The following DERA variants were observed in gnomAD, a reference collection of about 807,000 sequenced individuals.
DERA encodes the protein deoxyribose-phosphate aldolase.
DERA carries 15 observed loss-of-function variants against 41.1 expected under a neutral mutation model. That is an observed-to-expected ratio of 0.37 (90% confidence interval 0.24 to 0.56). The LOEUF is 0.56. DERA is among the 20% of genes least tolerant of loss of function. DERA has a pLI of 0.81. For synonymous variants in DERA, 139 were observed against 137.4 expected (o/e 1.01, Z -0.08); for missense variants, 396 against 403.4 (o/e 0.98, Z 0.16).
At position 15,911,886 on chromosome 12, in the gene DERA, G is replaced by T; in HGVS notation, c.31+472G>T. On this transcript the variant is annotated intron_variant, in intron 1 of 8. Coordinates refer to ENST00000428559, the MANE Select transcript of DERA (RefSeq NM_015954.4). The surrounding 1 kb of genome is among the most constrained non-coding windows in gnomAD (Gnocchi z 4.5). ...CTCGTGGAAAAGTTGTCAGCCGTCT[G>T]TGCTCAAAATGTAACACTGCAGATT... is the stretch of plus-strand genomic sequence containing the variant. 2 of 419,016 alleles carry T rather than the reference G, an allele frequency of 4.8e-6. No individual in the cohort carries two copies. The highest frequency in any genetic ancestry group is 2.8e-5 in the Admixed American group (1 of 36,198). The allele number at this position is 419,016 out of a possible 1,614,324, so 26.0% of individuals were successfully genotyped here.
Position 16,001,498 on chromosome 12 carries a change from CAA to C in DERA, c.637+19064_637+19065del, listed in dbSNP as rs1375519208. Among the ~76,000 whole-genome samples, 8 of 152,198 alleles carry C rather than the reference CAA, an allele frequency of 5.3e-5. 1 individual carries two copies. The Middle Eastern group carries it at 0.014, about 259-fold the overall frequency. ...CCAGAAAGAGATTCGTGCTCAGTAACAAAGAGAGAGTAATACAGACTTGTGGA... is the reference window on the plus strand; with the variant it reads ...CCAGAAAGAGATTCGTGCTCAGTAACAGAGAGAGTAATACAGACTTGTGGA... On this transcript the variant is annotated intron_variant, in intron 6 of 8. Coordinates refer to ENST00000428559, the MANE Select transcript of DERA (RefSeq NM_015954.4). The surrounding 1 kb of genome is among the most constrained non-coding windows in gnomAD (Gnocchi z 4.1).
Position 16,026,007 on chromosome 12 carries a change from T to A in DERA, c.638-6535T>A, listed in dbSNP as rs914845699. On this transcript the variant is annotated intron_variant, in intron 6 of 8. Coordinates refer to ENST00000428559, the MANE Select transcript of DERA (RefSeq NM_015954.4). This position sits in a 1 kb window ranked among gnomAD's most constrained non-coding sequence, Gnocchi z 4.4. ...TAAAATACTTTGAACTAAATGAAAA[T>A]AAAAATACACCACCAAAATTTGTAG... 6.6e-6 allele frequency among the ~76,000 whole-genome samples: 1 copy of A among 151,894 alleles called. No individual in the cohort carries two copies. The highest frequency in any genetic ancestry group is 2.4e-5 in the African/African-American group (1 of 41,378).
intron 6 of DERA, among the ~76,000 whole-genome samples, chr12:15,986,699 C>T (rs1232759311): frequency 1.3e-5 from 2 of 149,680 alleles, no homozygotes; most frequent in Non-Finnish European, 2.9e-5. Context: ...TTAACAGTCA[C>T]TTGTCTTTTG....
intron 1 of DERA, among the ~76,000 whole-genome samples, chr12:15,920,210 A>G (rs1203542099): frequency 1.3e-5 from 2 of 152,208 alleles, no homozygotes; most frequent in Admixed American, 6.5e-5. Flanking sequence ...AATAGTGTCC[A>G]CACTTATAAG....
intron 7 of DERA, among the ~76,000 whole-genome samples, chr12:16,033,204 T>C (rs571120997): frequency 8.0e-4 from 122 of 152,378 alleles, no homozygotes; most frequent in Non-Finnish European, 1.3e-3. Flanking sequence ...GAAAAACTTA[T>C]TACTTTTAAT....
intron 1 of DERA, among the ~76,000 whole-genome samples, chr12:15,920,290 C>A (rs1948233209): frequency 6.6e-6 from 1 of 152,160 alleles, no homozygotes; most frequent in Non-Finnish European, 1.5e-5. Flanking sequence ...TGTTATCAGT[C>A]CAACCCCCTT....
At chr12:15,955,136 T>C (rs1454960888) in intron 1 of DERA, among the ~76,000 whole-genome samples, 1 of 151,802 alleles carries the variant, frequency 6.6e-6, no homozygotes, top group African/African-American at 2.4e-5. Flanking sequence ...CCTGTCTCTA[T>C]TAAAAATACA....
At chr12:15,937,524 T>C (rs1237596451) in intron 1 of DERA, among the ~76,000 whole-genome samples, 1 of 152,232 alleles carries the variant, frequency 6.6e-6, no homozygotes, top group Non-Finnish European at 1.5e-5. Flanking sequence ...ACCATGTGAA[T>C]GTCTCATTTT....
chr12:15,964,757 A>T (rs925881066), intron 5 of DERA, among the ~76,000 whole-genome samples: 28 of 152,232 alleles, frequency 1.8e-4, no homozygotes, highest in Non-Finnish European at 5.9e-5. Context: ...TACACCTTTT[A>T]TTAAGCAGTT....
chr12:15,948,439 T>G (rs1336534044), intron 1 of DERA, among the ~76,000 whole-genome samples: 4 of 152,190 alleles, frequency 2.6e-5, no homozygotes, highest in Non-Finnish European at 5.9e-5. Flanking sequence ...TCACTTCATT[T>G]CATACATTTG....
In DERA at chr12:16,011,319, C is replaced by G. The variant is rs1394788411; in HGVS notation, c.638-21223C>G. Among the ~76,000 whole-genome samples the G allele has an allele frequency of 6.6e-6, 1 of 152,146 alleles. No homozygotes were observed. The highest frequency in any genetic ancestry group is 2.4e-5 in the African/African-American group (1 of 41,430). Reference sequence around the variant, plus strand: ...ATTTTACAGGTTGAATATCCCTTATCTTAAATGCTTGGAACCAGAAGTGTT... The same window carrying G: ...ATTTTACAGGTTGAATATCCCTTATGTTAAATGCTTGGAACCAGAAGTGTT... On this transcript the variant is annotated intron_variant, in intron 6 of 8. Coordinates refer to ENST00000428559, the MANE Select transcript of DERA (RefSeq NM_015954.4). The surrounding 1 kb of genome is among the most constrained non-coding windows in gnomAD (Gnocchi z 4.7).
chr12:16,036,554 C>T lies in DERA; in HGVS notation c.901-136C>T. 1 of 1,002,864 alleles carries T rather than the reference C, an allele frequency of 1.0e-6. No homozygotes were observed. Among genetic ancestry groups the T allele is most frequent in the South Asian group, 1.7e-5 (1 of 58,030 alleles). The allele number at this position is 1,002,864 out of a possible 1,614,324, so 62.1% of individuals were successfully genotyped here. ...ATCAGAAGTGAGTAGGGTGGAGATT[C>T]TGCTGAAGCACATACTAGTGAGGCT... is the stretch of plus-strand genomic sequence containing the variant. On this transcript the variant is annotated intron_variant, in intron 8 of 8. Transcript: ENST00000428559. This position sits in a 1 kb window ranked among gnomAD's most constrained non-coding sequence, Gnocchi z 4.9.
At chr12:15,956,858 T>C (rs763951287) in intron 1 of DERA, 78 bp from the exon 2 acceptor site, 1 of 1,033,166 alleles carries the variant, frequency 9.7e-7, no homozygotes, top group Non-Finnish European at 1.5e-6. Context: ...AATGTATCCT[T>C]TCAAGGACCA....
rs1388283773 is a variant in DERA, at chr12:15,966,115, GCTCACAC to G, written c.508+3171_508+3177del. On this transcript the variant is annotated intron_variant, in intron 5 of 8. Transcript: ENST00000428559. This position sits in a 1 kb window ranked among gnomAD's most constrained non-coding sequence, Gnocchi z 5.1. ...TCTGAAAAGAAGGCCCGATGCGGTG[GCTCACAC>G]CTGTAATCCCAGCACTTTGGGAGGC... 6.6e-6 allele frequency among the ~76,000 whole-genome samples: 1 copy of G among 152,126 alleles called. No homozygotes were observed. The highest frequency in any genetic ancestry group is 1.5e-5 in the Non-Finnish European group (1 of 68,028).
At position 15,936,003 on chromosome 12, in the gene DERA, C is replaced by T. The variant is rs1247040086; in HGVS notation, c.32-20933C>T. Among the ~76,000 whole-genome samples the T allele has an allele frequency of 1.3e-5, 2 of 152,222 alleles. No homozygotes were observed. Among genetic ancestry groups the T allele is most frequent in the Non-Finnish European group, 2.9e-5 (2 of 68,034 alleles). The stretch of plus-strand genomic sequence containing the variant: ...CCTGGTGAGAAGCCTCAGCCCTTTA[C>T]CATGTGAACACCCTCTTAGGGTTGC... On this transcript the variant is annotated intron_variant, in intron 1 of 8. Transcript: ENST00000428559. The surrounding 1 kb of genome is among the most constrained non-coding windows in gnomAD (Gnocchi z 4.6).
rs1425312038 is a variant in DERA at position 16,010,415 on chromosome 12, A to C, written c.638-22127A>C. On this transcript the variant is annotated intron_variant, in intron 6 of 8. Coordinates refer to ENST00000428559, the MANE Select transcript of DERA (RefSeq NM_015954.4). This position sits in a 1 kb window ranked among gnomAD's most constrained non-coding sequence, Gnocchi z 5.5. ...GTGATATAAAACATGATCTGGCAAA[A>C]TTTGATGGTGACCTTTTCTGCTTGT... Among the ~76,000 whole-genome samples the C allele has an allele frequency of 6.6e-6, 1 of 151,894 alleles. No homozygotes were observed. The highest frequency in any genetic ancestry group is 1.5e-5 in the Non-Finnish European group (1 of 68,004).
rs1399610978 is a variant in DERA, at chr12:16,001,591, A to G, written c.637+19155A>G. ...AAGGTGGTCAGTTTCTGGGGTGACTAGACACCACCAATTTCTGGAGGATCT... is the reference window on the plus strand; with the variant it reads ...AAGGTGGTCAGTTTCTGGGGTGACTGGACACCACCAATTTCTGGAGGATCT... On this transcript the variant is annotated intron_variant, in intron 6 of 8. Coordinates refer to ENST00000428559, the MANE Select transcript of DERA (RefSeq NM_015954.4). The surrounding 1 kb of genome is among the most constrained non-coding windows in gnomAD (Gnocchi z 4.1). Among the ~76,000 whole-genome samples the G allele has an allele frequency of 6.6e-6, 1 of 152,216 alleles. No individual in the cohort carries two copies. Among genetic ancestry groups the G allele is most frequent in the Non-Finnish European group, 1.5e-5 (1 of 68,042 alleles).
intron 5 of DERA, among the ~76,000 whole-genome samples, chr12:15,978,153 C>T (rs1469379003): frequency 6.6e-6 from 1 of 152,162 alleles, no homozygotes; most frequent in Admixed American, 6.5e-5. Flanking sequence ...TTTCAGCCAT[C>T]AAGCCACTTT....
In DERA at chr12:15,998,266, T is replaced by C. The variant is rs1014572210; in HGVS notation, c.637+15830T>C. On this transcript the variant is annotated intron_variant, in intron 6 of 8. Transcript: ENST00000428559. This position sits in a 1 kb window ranked among gnomAD's most constrained non-coding sequence, Gnocchi z 4.8. ...CTGTGTGGGCAGGAATGAGAACCTC[T>C]GATCTAGGATCTAGCTTTCCTAATG... 5.9e-5 allele frequency among the ~76,000 whole-genome samples: 9 copies of C among 152,236 alleles called. No individual in the cohort carries two copies. The highest frequency in any genetic ancestry group is 3.8e-4 in the East Asian group (2 of 5,202).
Sources: allele counts gnomAD v4.1 joint callset (sites outside exome capture counted in the v4.1 genomes callset), GRCh38; gene constraint gnomAD v4.1.1; non-coding constraint Gnocchi (gnomAD v3.1); transcripts MANE v1.5; gene names NCBI Gene and HGNC (gene_info 2026-07-23, HGNC 2026-07-21).